The following NEB variants were observed in gnomAD, a reference collection of about 807,000 sequenced individuals.
The protein encoded by NEB is nebulin.
A neutral mutation model predicts 952.2 loss-of-function variants in NEB; 512 were observed. The observed-to-expected ratio is 0.54, with a 90% CI of 0.50 to 0.58. The LOEUF is 0.58. Among genes scored for constraint, NEB ranks in the 20% least tolerant of loss-of-function variants. The probability of loss-of-function intolerance (pLI) is 0.00; values close to 1 mark genes in which losing one functional copy is unlikely to be tolerated. For synonymous variants in NEB, 2,900 were observed against 3,149.8 expected (o/e 0.92, Z 2.66); for missense variants, 8,428 against 9,231.1 (o/e 0.91, Z 3.56).
At chr2:151,639,568 A>C (rs2098821922) in intron 62 of NEB, among the ~76,000 whole-genome samples, 184 bp from the exon 63 acceptor site, 1 of 152,222 alleles carries the variant, frequency 6.6e-6, no homozygotes, top group East Asian at 1.9e-4. Context: ...AATGCCTTCT[A>C]ATAATCTGAA....
At chr2:151,667,105 A>C (rs929585374) in intron 40 of NEB, among the ~76,000 whole-genome samples, 3 of 151,954 alleles carry the variant, frequency 2.0e-5, no homozygotes, top group African/African-American at 4.8e-5. Context: ...ATCCATGGAA[A>C]TAGAAATACG....
At chr2:151,667,712 G>A (rs914874821) in intron 40 of NEB, 92 bp downstream of exon 40, 24 of 875,812 alleles carry the variant, frequency 2.7e-5, no homozygotes, top group Admixed American at 5.6e-5. Flanking sequence ...TTTTATTTCT[G>A]TAGAGACAGG....
intron 135 of NEB, among the ~76,000 whole-genome samples, chr2:151,543,223 G>T (rs55914727): frequency 6.6e-6 from 1 of 152,108 alleles, no homozygotes; most frequent in Admixed American, 6.5e-5. Context: ...AATGTAATGC[G>T]GCAAATGAGA....
chr2:151,663,674 C>G lies in NEB; in HGVS notation c.5637G>C (p.Val1879=). ...FHTPVDMLSV[V]AAKKSQEVAT... is the part of the protein sequence containing the mutation. ...CCACTTCCTGAGACTTCTTGGCTGC[C>G]ACCACACTGAGCATGTCCACCGGGG... is the stretch of plus-strand genomic sequence containing the variant. The change falls in exon 45 of 182, where the codon GTG becomes GTC. Residue 1879 remains valine (V), a synonymous_variant. Coordinates refer to ENST00000397345, the MANE Select transcript of NEB (RefSeq NM_001164508.2). 1 of 1,613,752 alleles carries G rather than the reference C, an allele frequency of 6.2e-7. No homozygotes were observed.
chr2:151,536,007 A>G (rs2093118949), intron 141 of NEB, among the ~76,000 whole-genome samples: 1 of 152,208 alleles, frequency 6.6e-6, no homozygotes, highest in African/African-American at 2.4e-5. Context: ...CCCAGGCTCC[A>G]TCGATCTTCC....
rs755982851 is a variant in NEB, at chr2:151,553,958, A to G, written c.19496T>C (p.Met6499Thr). ...CTTCTGGGAATCCTTGGCAGTAACC[A>G]TCTCTACCATGTCGGGCACGATGTG... ...KIHIVPDMVE[M>T]VTAKDSQKKV... The change falls in exon 126 of 182, where the codon ATG becomes ACG. Residue 6499 changes from methionine to threonine, a missense_variant. This residue lies in a region of NEB where 3,374 missense variants were observed against 3,651.5 expected (regional missense o/e 0.92). Transcript: ENST00000397345. 3.1e-6 allele frequency: 5 copies of G among 1,613,764 alleles called. No individual in the cohort carries two copies. In the East Asian group the frequency reaches 1.1e-4, roughly 36 times the overall value.
At chr2:151,657,594 A>G (rs1558908545) in intron 48 of NEB, among the ~76,000 whole-genome samples, 1 of 152,202 alleles carries the variant, frequency 6.6e-6, no homozygotes, top group African/African-American at 2.4e-5. Flanking sequence ...CATGAGCCCA[A>G]ATGATCAGCA....
intron 52 of NEB, among the ~76,000 whole-genome samples, chr2:151,653,695 A>G (rs1460353055): frequency 1.3e-5 from 2 of 152,140 alleles, no homozygotes; most frequent in African/African-American, 4.8e-5. Context: ...AAATTATTAT[A>G]TTTTCAGGCA....
chr2:151,673,732 C>CTTTTTT (rs10716811), intron 36 of NEB, among the ~76,000 whole-genome samples: 90 of 92,764 alleles, frequency 9.7e-4, no homozygotes, highest in East Asian at 2.2e-3. Flanking sequence ...TTTTCTTTTT[C>CTTTTTT]TTTTTTTTTT....
intron 48 of NEB, among the ~76,000 whole-genome samples, chr2:151,656,717 G>A (rs2099089012): frequency 6.6e-6 from 1 of 151,988 alleles, no homozygotes. Flanking sequence ...GACCCAGAGA[G>A]CTGAGCAACC....
chr2:151,612,453 A>C, intron 77 of NEB, 64 bp from the exon 78 acceptor site: 1 of 1,383,294 alleles, frequency 7.2e-7, no homozygotes, highest in South Asian at 1.2e-5. Context: ...CCTGATCCTG[A>C]TTTAACATAC....
intron 18 of NEB, 124 bp from the exon 19 acceptor site, chr2:151,694,753 G>C: frequency 1.4e-6 from 1 of 728,636 alleles, no homozygotes; most frequent in Non-Finnish European, 2.3e-6. Flanking sequence ...TTATTGTCTA[G>C]GAAATCATGC....
intron 175 of NEB, 118 bp downstream of exon 175, chr2:151,493,657 G>C: frequency 1.1e-6 from 1 of 895,332 alleles, no homozygotes; most frequent in Non-Finnish European, 1.7e-6. Context: ...AAGTGGACAA[G>C]GAAGAATTTT....
intron 167 of NEB, among the ~76,000 whole-genome samples, chr2:151,502,410 T>C (rs1335081447): frequency 6.7e-6 from 1 of 150,098 alleles, no homozygotes; most frequent in African/African-American, 2.4e-5. Flanking sequence ...ACTTAAAAGC[T>C]GCAAACATAA....
chr2:151,658,099 A>C lies in NEB; in HGVS notation c.6076-9T>G, dbSNP rs765399302. The C allele has an allele frequency of 1.3e-6, 2 of 1,546,498 alleles. No individual in the cohort carries two copies. The highest frequency in any genetic ancestry group is 4.5e-5 in the East Asian group (2 of 44,140). On this transcript the variant is annotated splice_polypyrimidine_tract_variant and intron_variant, in intron 47 of 181. Transcript: ENST00000397345. The stretch of plus-strand genomic sequence containing the variant: ...GAAAGTTTGTAGAGTTTCTGTAAAG[A>C]GAGGCAAAGGGAAGAGTTTTCTTCT...
At chr2:151,498,506 T>TAAAG (rs1553557197) in intron 169 of NEB, among the ~76,000 whole-genome samples, 154 bp from the exon 170 acceptor site, 1 of 152,148 alleles carries the variant, frequency 6.6e-6, no homozygotes, top group Admixed American at 6.5e-5. Context: ...TGTTTGAGCC[T>TAAAG]AAAGACATCT....
At position 151,552,676 on chromosome 2, in the gene NEB, C is replaced by T; in HGVS notation, c.19832G>A (p.Ser6611Asn). 6.2e-7 allele frequency: 1 copy of T among 1,610,062 alleles called. No individual in the cohort carries two copies. Among genetic ancestry groups the T allele is most frequent in the Non-Finnish European group, 8.5e-7 (1 of 1,176,948 alleles). Residue 6611 changes from serine (S) to asparagine (N), a missense_variant, in exon 128 of 182, where the codon AGT (serine) becomes AAT (asparagine). This residue lies in a region of NEB where 3,374 missense variants were observed against 3,651.5 expected (regional missense o/e 0.92). Transcript: ENST00000397345. ...VQAVKSGKQL[S>N]DAVYHYDYVH... ...ACTTCCCCAGTGATCACTTACGTCA[C>T]TTAGCTGTTTCCCACTTTTGACAGC...
At chr2:151,505,638 A>G (rs2068197364) in intron 164 of NEB, 68 bp from the exon 165 acceptor site, 1 of 1,336,710 alleles carries the variant, frequency 7.5e-7, no homozygotes, top group Non-Finnish European at 1.1e-6. Context: ...CCCAACATGT[A>G]CATGTTTTTT....
At chr2:151,515,573 G>A (rs1464942320) in intron 157 of NEB, among the ~76,000 whole-genome samples, 1 of 152,158 alleles carries the variant, frequency 6.6e-6, no homozygotes, top group African/African-American at 2.4e-5. Context: ...CAGAGGAATT[G>A]TATGGTTTTG....
Sources: gnomAD v4.1 joint callset for allele counts (sites outside exome capture counted in the v4.1 genomes callset) on GRCh38, gnomAD v4.1.1 for gene constraint, gnomAD v4.1.1 regional missense constraint, MANE v1.5 for transcripts, NCBI Gene and HGNC (gene_info 2026-07-23, HGNC 2026-07-21) for gene names.